DGCR2: variants seen among roughly 807,000 people sequenced by gnomAD.
DGCR2 encodes the protein DiGeorge syndrome critical region gene 2, also known as integral membrane protein DGCR2/IDD.
DGCR2 carries 24 observed loss-of-function variants against 51.6 expected under a neutral mutation model. The observed-to-expected ratio is 0.47, with a 90% CI of 0.34 to 0.65. The LOEUF (loss-of-function observed/expected upper bound fraction) is 0.65. Ranked by LOEUF, DGCR2 falls within the 30% of genes least tolerant of loss-of-function variation. DGCR2 has a pLI of 0.01. For missense variants in DGCR2, 765 were observed against 772.1 expected, an observed-to-expected ratio of 0.99 and a Z score of 0.11; for synonymous variants, 340 against 315.4, an observed-to-expected ratio of 1.08 and a Z score of -0.82.
At chr22:19,051,188 C>CAAAAA (rs61277487) in intron 6 of DGCR2, among the ~76,000 whole-genome samples, 23 of 54,814 alleles carry the variant, frequency 4.2e-4, no homozygotes, top group African/African-American at 7.8e-4. Context: ...AATTCTGTCA[C>CAAAAA]AAAAAAAAAA....
intron 4 of DGCR2, among the ~76,000 whole-genome samples, chr22:19,063,962 C>A (rs1212104617): frequency 1.3e-5 from 2 of 152,232 alleles, no homozygotes; most frequent in Non-Finnish European, 2.9e-5. Flanking sequence ...ACCATGGGGG[C>A]TGAAAACACT....
At chr22:19,106,857 G>C (rs1011774625) in intron 1 of DGCR2, among the ~76,000 whole-genome samples, 4 of 151,678 alleles carry the variant, frequency 2.6e-5, no homozygotes, top group African/African-American at 9.7e-5. Context: ...CTCCCTAGAG[G>C]ACCAGGTCCA....
Position 19,056,554 on chromosome 22 carries a change from T to C in DGCR2, c.802+432A>G, listed in dbSNP as rs202137278. ...AAGCAATAGAGTTAGCTGGCTTTAA[T>C]AAAAAAAAAAAAACACACACACCAT... On this transcript the variant is annotated intron_variant, in intron 6 of 9. Transcript: ENST00000263196. The C allele has an allele frequency of 7.7e-4, 192 of 249,394 alleles. 1 individual carries two copies. Among genetic ancestry groups the C allele is most frequent in the African/African-American group, 7.4e-3 (182 of 24,750 alleles). 15.4% of individuals were successfully genotyped at this position (249,394 alleles called of 1,614,324 possible).
chr22:19,107,181 A>G (rs1052512578), intron 1 of DGCR2, among the ~76,000 whole-genome samples: 33 of 152,128 alleles, frequency 2.2e-4, no homozygotes, highest in African/African-American at 7.7e-4. Context: ...GGGCAAGTGG[A>G]ATCTCTGAGT....
chr22:19,084,723 AGCCCCCGCCCGGCCAGCCG>A (rs2082991606), intron 2 of DGCR2, among the ~76,000 whole-genome samples: 3 of 136,912 alleles, frequency 2.2e-5, no homozygotes, highest in Non-Finnish European at 4.8e-5. Context: ...GTGGGGGGTC[AGCCCCCGCCCGGCCAGCCG>A]CCCCGTCCGG....
Position 19,039,115 on chromosome 22 carries a change from T to C in DGCR2, c.1403A>G (p.Asp468Gly). Residue 468 changes from aspartate to glycine, a missense_variant, in exon 10 of 10, where the codon GAT (aspartate) becomes GGT (glycine). Asp to Gly is a moderately conservative substitution (Grantham distance 94). This residue lies in a region of DGCR2 where 205 missense variants were observed against 181.4 expected (regional missense o/e 1.13). Transcript: ENST00000263196. ...GCTGACCTCCACAGGCTCAAAAGCA[T>C]CATCGTCTGCAGGAAGAGACAGAGG... The part of the protein sequence containing the change: ...DSVFYDPADD[D>G]AFEPVEVSLP... The C allele has an allele frequency of 2.5e-6, 4 of 1,613,004 alleles. No homozygotes were observed. Among genetic ancestry groups the C allele is most frequent in the Non-Finnish European group, 2.5e-6 (3 of 1,179,928 alleles).
At chr22:19,110,029 A>T (rs991209183) in intron 1 of DGCR2, among the ~76,000 whole-genome samples, 3 of 152,258 alleles carry the variant, frequency 2.0e-5, no homozygotes, top group African/African-American at 7.2e-5. Flanking sequence ...TGATCACCAC[A>T]GGGAGTTACA....
chr22:19,091,366 A>G (rs1395253762), intron 1 of DGCR2, among the ~76,000 whole-genome samples: 1 of 152,216 alleles, frequency 6.6e-6, no homozygotes, highest in African/African-American at 2.4e-5. Flanking sequence ...TCTCAAAAAA[A>G]GGCTAGCTGG....
intron 2 of DGCR2, among the ~76,000 whole-genome samples, chr22:19,071,925 C>T (rs2082820225): frequency 6.6e-6 from 1 of 152,020 alleles, no homozygotes; most frequent in Admixed American, 6.6e-5. Context: ...CAGGTGAACC[C>T]GGGTAAAGGT....
chr22:19,118,749 G>T (rs1337588959), intron 1 of DGCR2, among the ~76,000 whole-genome samples: 1 of 152,198 alleles, frequency 6.6e-6, no homozygotes, highest in African/African-American at 2.4e-5. Flanking sequence ...TATGTATGGT[G>T]GGTTCAACCT....
intron 2 of DGCR2, among the ~76,000 whole-genome samples, chr22:19,082,281 G>T (rs1179495573): frequency 6.9e-6 from 1 of 144,116 alleles, no homozygotes; most frequent in African/African-American, 2.6e-5. Flanking sequence ...GCCCTGGCTG[G>T]TCTGGAACTC....
chr22:19,087,039 T>G (rs894835892), intron 2 of DGCR2, among the ~76,000 whole-genome samples: 1 of 152,154 alleles, frequency 6.6e-6, no homozygotes, highest in African/African-American at 2.4e-5. Context: ...CCAAGAATCA[T>G]CTGGTTCTCT....
intron 5 of DGCR2, among the ~76,000 whole-genome samples, chr22:19,062,779 A>ATTCTCTCTCTCTCTCTCT: frequency 7.9e-6 from 1 of 127,354 alleles, no homozygotes; most frequent in Non-Finnish European, 1.8e-5. Flanking sequence ...ATGCATGCTC[A>ATTCTCTCTCTCTCTCTCT]CTCTCTCTCT....
At chr22:19,050,035 G>C (rs1382945369) in intron 6 of DGCR2, among the ~76,000 whole-genome samples, 1 of 151,876 alleles carries the variant, frequency 6.6e-6, no homozygotes, top group Non-Finnish European at 1.5e-5. Context: ...AGAGGAGAGA[G>C]AGAAAGAGGC....
intron 5 of DGCR2, among the ~76,000 whole-genome samples, chr22:19,058,753 C>CT (rs2082629438): frequency 6.6e-6 from 1 of 152,214 alleles, no homozygotes; most frequent in Non-Finnish European, 1.5e-5. Context: ...GGGCAGAGTC[C>CT]TGGGACCCAG....
At chr22:19,064,395 C>A (rs570648717) in intron 4 of DGCR2, among the ~76,000 whole-genome samples, 9 of 152,360 alleles carry the variant, frequency 5.9e-5, no homozygotes, top group Admixed American at 4.6e-4. Context: ...TCTCACAGGG[C>A]ATAACTGTGG....
chr22:19,038,821 A>G lies in DGCR2; in HGVS notation c.*44T>C, dbSNP rs2082398793. ...CTCCCCAGGGACCGGTGTTTTCTAC[A>G]ACAGACAGGTGCTCCCAGACCGTTG... On this transcript the variant is annotated 3_prime_UTR_variant, in exon 10 of 10. Transcript: ENST00000263196. 2 of 1,590,138 alleles carry G rather than the reference A, an allele frequency of 1.3e-6. No individual in the cohort carries two copies. The highest frequency in any genetic ancestry group is 2.7e-5 in the African/African-American group (2 of 74,408).
At chr22:19,119,948 C>T (rs995238738) in intron 1 of DGCR2, among the ~76,000 whole-genome samples, 2 of 151,736 alleles carry the variant, frequency 1.3e-5, no homozygotes, top group African/African-American at 2.4e-5. Flanking sequence ...CTCAAGTATG[C>T]TTTTAAGGCC....
chr22:19,072,900 A>T (rs59759592), intron 2 of DGCR2, among the ~76,000 whole-genome samples: 3,922 of 150,238 alleles, frequency 0.026, 112 homozygotes, highest in East Asian at 0.062. Flanking sequence ...ATTTTTTTTT[A>T]AAAAAAAGGA....
Sources: gnomAD v4.1 joint callset for allele counts (sites outside exome capture counted in the v4.1 genomes callset) on GRCh38, gnomAD v4.1.1 for gene constraint, gnomAD v4.1.1 regional missense constraint, MANE v1.5 for transcripts, NCBI Gene and HGNC (gene_info 2026-07-23, HGNC 2026-07-21) for gene names.